Variants in SELENOF observed in about 807,000 individuals in gnomAD.
SELENOF encodes the protein 15 kDa selenoprotein.
SELENOF carries 16 observed loss-of-function variants against 20.5 expected under a neutral mutation model. The observed-to-expected ratio is 0.78, with a 90% CI of 0.53 to 1.19. The LOEUF (loss-of-function observed/expected upper bound fraction) is 1.19. SELENOF is among the 50% of genes most tolerant of loss of function. SELENOF has a pLI of 0.00. For missense variants in SELENOF, 215 were observed against 194.2 expected (o/e 1.11, Z -0.64); for synonymous variants, 78 against 74.5 (o/e 1.05, Z -0.24).
chr1:86,868,077 T>C lies in SELENOF; in HGVS notation c.342A>G (p.Lys114=), dbSNP rs769771005. Residue 114 remains lysine (K), a synonymous_variant, in exon 4 of 5, where the codon AAA becomes AAG. Coordinates refer to ENST00000331835, the MANE Select transcript of SELENOF (RefSeq NM_004261.5). ...CCTTGATTTGCAGTCCTCTGAACAG[T>C]TTGGGTTTATCACTCCTAACAAAAG... ...VQAFVRSDKP[K]LFRGLQIKYV... 1.7e-5 allele frequency: 26 copies of C among 1,537,104 alleles called. 1 individual carries two copies. In the South Asian group the frequency reaches 3.0e-4, roughly 18 times the overall value.
At chr1:86,879,494 T>A (rs543586389) in intron 3 of SELENOF, among the ~76,000 whole-genome samples, 71 of 152,340 alleles carry the variant, frequency 4.7e-4, no homozygotes, top group African/African-American at 1.6e-3. Flanking sequence ...CAATATTTTA[T>A]TATAAACAAT....
chr1:86,885,165 T>TA (rs1659182374), intron 2 of SELENOF, among the ~76,000 whole-genome samples: 1 of 152,206 alleles, frequency 6.6e-6, no homozygotes, highest in Non-Finnish European at 1.5e-5. Flanking sequence ...CTACAGGTAC[T>TA]ACAGGTTGAG....
rs1448986041 is a variant in SELENOF at position 86,863,255 on chromosome 1, A to G, written c.*219T>C. On this transcript the variant is annotated 3_prime_UTR_variant, in exon 5 of 5. Coordinates refer to ENST00000331835, the MANE Select transcript of SELENOF (RefSeq NM_004261.5). ...AAGCATTTTGTTAGTGGTATCAACA[A>G]ATGCAGGAGGATGGACATTTATAAA... 1 of 404,980 alleles carries G rather than the reference A, an allele frequency of 2.5e-6. No individual in the cohort carries two copies. The highest frequency in any genetic ancestry group is 4.4e-6 in the Non-Finnish European group (1 of 228,272). The allele number at this position is 404,980 out of a possible 1,614,324, so 25.1% of individuals were successfully genotyped here. A position where few individuals can be genotyped will look rare whatever the true frequency, so the allele number is the denominator to read the frequency against.
rs1659755386 is a variant in SELENOF at position 86,903,468 on chromosome 1, A to G, written c.85-20T>C. 6.4e-7 allele frequency: 1 copy of G among 1,564,906 alleles called. No homozygotes were observed. The highest frequency in any genetic ancestry group is 8.6e-7 in the Non-Finnish European group (1 of 1,156,550). On this transcript the variant is annotated intron_variant, in intron 1 of 4. Coordinates refer to ENST00000331835, the MANE Select transcript of SELENOF (RefSeq NM_004261.5). Reference sequence around the variant, plus strand: ...AGACACCTGAAAATAAAAAATGGGAAATAAAACACAATTCCATATTTATAC... The same window carrying G: ...AGACACCTGAAAATAAAAAATGGGAGATAAAACACAATTCCATATTTATAC...
At chr1:86,908,659 G>A (rs1259450123) in intron 1 of SELENOF, among the ~76,000 whole-genome samples, 1 of 152,136 alleles carries the variant, frequency 6.6e-6, no homozygotes, top group East Asian at 1.9e-4. Flanking sequence ...AAGGCCCAGC[G>A]AGATATTAAC....
intron 1 of SELENOF, among the ~76,000 whole-genome samples, chr1:86,910,785 A>G (rs977630034): frequency 3.3e-5 from 5 of 151,924 alleles, no homozygotes; most frequent in African/African-American, 1.2e-4. Context: ...TTTGAATCAT[A>G]TCTAAGGCAG....
chr1:86,876,813 G>A (rs1412229915), intron 3 of SELENOF, among the ~76,000 whole-genome samples: 1 of 152,192 alleles, frequency 6.6e-6, no homozygotes, highest in Admixed American at 6.5e-5. Context: ...AGGAGATAAT[G>A]AAGTCACACA....
intron 2 of SELENOF, among the ~76,000 whole-genome samples, chr1:86,892,447 T>C (rs138511975): frequency 1.7e-3 from 254 of 152,356 alleles, no homozygotes; most frequent in Middle Eastern, 6.8e-3. Flanking sequence ...ACGACAAAAG[T>C]GAAGCTATTT....
At chr1:86,864,949 CTTAAG>C (rs967998187) in intron 4 of SELENOF, among the ~76,000 whole-genome samples, 16 of 150,330 alleles carry the variant, frequency 1.1e-4, no homozygotes, top group Admixed American at 2.0e-4. Flanking sequence ...CAGGTTACTT[CTTAAG>C]TTAAGGATTT....
rs940100574 is a variant in SELENOF at position 86,898,814 on chromosome 1, C to A, written c.252+4467G>T. ...TTCATTTTTATTTTTATTGATCATTCTTGGGTGTTTCTCACAGAGGGGGAT... is the reference window on the plus strand; with the variant it reads ...TTCATTTTTATTTTTATTGATCATTATTGGGTGTTTCTCACAGAGGGGGAT... On this transcript the variant is annotated intron_variant, in intron 2 of 4. Transcript: ENST00000331835. Among the ~76,000 whole-genome samples, 4 of 149,110 alleles carry A rather than the reference C, an allele frequency of 2.7e-5. No homozygotes were observed. In the Admixed American group the frequency reaches 2.7e-4, roughly 10 times the overall value.
intron 2 of SELENOF, among the ~76,000 whole-genome samples, chr1:86,882,247 C>CAAAAAAAAAAAAAAAAAAAAAAAA (rs61037512): frequency 1.6e-5 from 1 of 61,862 alleles, no homozygotes; most frequent in Non-Finnish European, 3.3e-5. Context: ...GACTCTGTCT[C>CAAAAAAAAAAAAAAAAAAAAAAAA]AAAAAAAAAA....
chr1:86,897,082 G>T (rs576274741), intron 2 of SELENOF, among the ~76,000 whole-genome samples: 48 of 152,262 alleles, frequency 3.2e-4, no homozygotes, highest in African/African-American at 1.2e-3. Flanking sequence ...GAGTTGGGTG[G>T]ATCACCTGAG....
intron 1 of SELENOF, among the ~76,000 whole-genome samples, chr1:86,913,426 T>C (rs1052512799): frequency 1.3e-5 from 2 of 152,138 alleles, no homozygotes; most frequent in Admixed American, 1.3e-4. Context: ...CGAACATCAT[T>C]TAAAAAACTA....
At chr1:86,882,754 CAT>C (rs1659108675) in intron 2 of SELENOF, among the ~76,000 whole-genome samples, 1 of 152,182 alleles carries the variant, frequency 6.6e-6, no homozygotes, top group Admixed American at 6.5e-5. Context: ...GGAAAAAACT[CAT>C]GTGTTCATTA....
At chr1:86,889,703 AAT>A (rs1557463529) in intron 2 of SELENOF, among the ~76,000 whole-genome samples, 7 of 152,130 alleles carry the variant, frequency 4.6e-5, no homozygotes, top group Non-Finnish European at 1.0e-4. Context: ...TTATTGCCTT[AAT>A]GGGCCATCTT....
intron 1 of SELENOF, among the ~76,000 whole-genome samples, chr1:86,909,600 G>C (rs545169564): frequency 6.6e-6 from 1 of 152,248 alleles, no homozygotes; most frequent in Non-Finnish European, 1.5e-5. Context: ...ATTCTCTTTG[G>C]CTACATTCTA....
At chr1:86,866,462 G>A (rs1286892246) in intron 4 of SELENOF, among the ~76,000 whole-genome samples, 1 of 151,436 alleles carries the variant, frequency 6.6e-6, no homozygotes, top group African/African-American at 2.4e-5. Context: ...GGGGGTGGTG[G>A]TGGGCACAGA....
At chr1:86,886,584 A>G (rs1400508879) in intron 2 of SELENOF, among the ~76,000 whole-genome samples, 1 of 152,134 alleles carries the variant, frequency 6.6e-6, no homozygotes, top group Non-Finnish European at 1.5e-5. Flanking sequence ...CCTGTAATTA[A>G]ACTTGGTTTT....
At chr1:86,904,190 G>A (rs1297739211) in intron 1 of SELENOF, among the ~76,000 whole-genome samples, 1 of 152,110 alleles carries the variant, frequency 6.6e-6, no homozygotes, top group African/African-American at 2.4e-5. Context: ...AGCAGAAGAA[G>A]GACGGGAAAG....
Sources: allele counts gnomAD v4.1 joint callset (sites outside exome capture counted in the v4.1 genomes callset), GRCh38; gene constraint gnomAD v4.1.1; transcripts MANE v1.5; gene names NCBI Gene and HGNC (gene_info 2026-07-23, HGNC 2026-07-21).